ETV1: variants seen among roughly 807,000 people sequenced by gnomAD.
The protein encoded by ETV1 is ETS translocation variant 1.
Under a neutral mutation model 62.3 loss-of-function variants are expected in ETV1, and 27 were observed. The observed-to-expected ratio is 0.43, with a 90% CI of 0.32 to 0.60. The LOEUF (loss-of-function observed/expected upper bound fraction) is 0.60, where lower values mean the gene tolerates loss of function less well. Ranked by LOEUF, ETV1 falls within the 20% of genes least tolerant of loss-of-function variation. The probability of loss-of-function intolerance (pLI) is 0.06; values close to 1 mark genes in which losing one functional copy is unlikely to be tolerated. For synonymous variants in ETV1, 222 were observed against 199.6 expected, an observed-to-expected ratio of 1.11 and a Z score of -0.94; for missense variants, 605 against 605.8, an observed-to-expected ratio of 1.00 and a Z score of 0.01.
chr7:13,931,201 A>G (rs73274894), intron 9 of ETV1, among the ~76,000 whole-genome samples: 6,009 of 152,310 alleles, frequency 0.039, 383 homozygotes, highest in African/African-American at 0.13. Context: ...AAAAAAAAGT[A>G]CAGAATTAAG....
chr7:13,920,297 C>T (rs1486867583), intron 9 of ETV1, among the ~76,000 whole-genome samples: 2 of 152,150 alleles, frequency 1.3e-5, no homozygotes, highest in Non-Finnish European at 2.9e-5. Context: ...AGGAACACTG[C>T]AAGGCCATAA....
At chr7:13,897,483 T>C (rs1351030985) in intron 13 of ETV1, among the ~76,000 whole-genome samples, 1 of 152,176 alleles carries the variant, frequency 6.6e-6, no homozygotes, top group East Asian at 1.9e-4. Context: ...TGAATGTACC[T>C]AGGTTTGAAA....
At chr7:13,896,365 A>G (rs906370210) in intron 13 of ETV1, among the ~76,000 whole-genome samples, 1 of 152,194 alleles carries the variant, frequency 6.6e-6, no homozygotes, top group East Asian at 1.9e-4. Flanking sequence ...TGCTTGTCTT[A>G]ATATAGAGGT....
chr7:13,931,592 G>C lies in ETV1; in HGVS notation c.712C>G (p.His238Asp), dbSNP rs1405263724. The C allele has an allele frequency of 6.2e-7, 1 of 1,613,932 alleles. No homozygotes were observed. The highest frequency in any genetic ancestry group is 2.2e-5 in the East Asian group (1 of 44,888). Reference protein sequence around the residue: ...KQEYHDPVYEHNTMVGSAASQ... With the variant: ...KQEYHDPVYEDNTMVGSAASQ... ...GCCGCACTGCCAACCATGGTGTTGT[G>C]TTCATACACTGGGTCGTGGTACTCC... The change falls in exon 9 of 14, where the codon CAC becomes GAC. Residue 238 changes from histidine to aspartate, a missense_variant. Around this residue, in one of 3 missense-constraint regions of ETV1, gnomAD observed 426 missense variants for 377.8 expected, o/e 1.13. Coordinates refer to ENST00000430479, the MANE Select transcript of ETV1 (RefSeq NM_004956.5).
intron 9 of ETV1, among the ~76,000 whole-genome samples, chr7:13,917,854 C>T (rs1259560412): frequency 6.6e-6 from 1 of 151,832 alleles, no homozygotes; most frequent in African/African-American, 2.4e-5. Flanking sequence ...GTCCCAGCTA[C>T]TCGGGAGGCT....
chr7:13,938,255 G>C (rs533723228), intron 7 of ETV1, among the ~76,000 whole-genome samples: 28 of 152,114 alleles, frequency 1.8e-4, no homozygotes, highest in African/African-American at 5.1e-4. Context: ...TATGTTTCTA[G>C]AATCTTACAT....
intron 8 of ETV1, among the ~76,000 whole-genome samples, chr7:13,933,430 A>T (rs759164814): frequency 6.6e-6 from 1 of 152,320 alleles, no homozygotes; most frequent in Non-Finnish European, 1.5e-5. Context: ...TCCCAGATAA[A>T]GAAAAACAGG....
intron 9 of ETV1, among the ~76,000 whole-genome samples, chr7:13,913,076 T>C (rs1293681885): frequency 6.6e-6 from 1 of 152,248 alleles, no homozygotes; most frequent in Non-Finnish European, 1.5e-5. Flanking sequence ...CATTACATTT[T>C]AACTTTTGTT....
At chr7:13,939,909 C>T (rs1046853254) in intron 6 of ETV1, among the ~76,000 whole-genome samples, 3 of 152,164 alleles carry the variant, frequency 2.0e-5, no homozygotes, top group Admixed American at 2.0e-4. Flanking sequence ...AACAATTATT[C>T]TATATGAAAT....
chr7:13,895,771 A>G lies in ETV1; in HGVS notation c.*95T>C, dbSNP rs1381913389. The G allele has an allele frequency of 1.2e-6, 1 of 845,030 alleles. No homozygotes were observed. Among genetic ancestry groups the G allele is most frequent in the Non-Finnish European group, 1.9e-6 (1 of 532,796 alleles). The allele number at this position is 845,030 out of a possible 1,614,324, so 52.3% of individuals were successfully genotyped here. On this transcript the variant is annotated 3_prime_UTR_variant, in exon 14 of 14. Coordinates refer to ENST00000430479, the MANE Select transcript of ETV1 (RefSeq NM_004956.5). ...GTGTATTATTATTTAAAAATAAAAT[A>G]CAAACAACAGAAATAAAACAAAGAT...
intron 6 of ETV1, among the ~76,000 whole-genome samples, chr7:13,972,873 T>G (rs1781043679): frequency 6.6e-6 from 1 of 152,206 alleles, no homozygotes; most frequent in African/African-American, 2.4e-5. Context: ...CCTTCCAAAG[T>G]GCCAGGATTA....
rs779691417 is a variant in ETV1, at chr7:13,931,493, C to A, written c.802+9G>T. 1.9e-6 allele frequency: 3 copies of A among 1,613,882 alleles called. No homozygotes were observed. In the South Asian group the frequency reaches 3.3e-5, roughly 18 times the overall value. On this transcript the variant is annotated intron_variant, in intron 9 of 13. Transcript: ENST00000430479. ...CCTTGAATGTAATTTGCGCAGAGCGCAGGCCTACCTGAGTCATATGCAAAA... is the reference window on the plus strand; with the variant it reads ...CCTTGAATGTAATTTGCGCAGAGCGAAGGCCTACCTGAGTCATATGCAAAA...
chr7:13,976,868 C>T (rs868448561), intron 6 of ETV1, among the ~76,000 whole-genome samples: 1 of 152,044 alleles, frequency 6.6e-6, no homozygotes, highest in Non-Finnish European at 1.5e-5. Context: ...TGAGAGAAGC[C>T]AATGGCTGCT....
At position 13,931,726 on chromosome 7, in the gene ETV1, G is replaced by C. The variant is rs1312149572; in HGVS notation, c.578C>G (p.Pro193Arg). ...CGGCAAAGGAGGAAAGGAGTTACAGGGTTCAGAAAGCTGGCGGCGAAATCT... is the reference window on the plus strand; with the variant it reads ...CGGCAAAGGAGGAAAGGAGTTACAGCGTTCAGAAAGCTGGCGGCGAAATCT... Reference protein sequence around the residue: ...DHRFRRQLSEPCNSFPPLPTM... With the variant: ...DHRFRRQLSERCNSFPPLPTM... The change falls in exon 9 of 14, where the codon CCC becomes CGC. Residue 193 changes from proline (P) to arginine (R), a missense_variant. By Grantham distance (103) the Pro-to-Arg change is moderately radical. Transcript: ENST00000430479. The C allele has an allele frequency of 6.2e-7, 1 of 1,613,960 alleles. No individual in the cohort carries two copies. Among genetic ancestry groups the C allele is most frequent in the Non-Finnish European group, 8.5e-7 (1 of 1,179,844 alleles).
chr7:13,901,516 TATAG>T (rs1782425230), intron 12 of ETV1, among the ~76,000 whole-genome samples: 10 of 152,166 alleles, frequency 6.6e-5, no homozygotes, highest in Admixed American at 6.5e-4. Flanking sequence ...AGACAAAAAC[TATAG>T]ATAAAGAGCA....
intron 6 of ETV1, among the ~76,000 whole-genome samples, chr7:13,954,139 T>G (rs1177499960): frequency 6.6e-6 from 1 of 152,138 alleles, no homozygotes; most frequent in African/African-American, 2.4e-5. Flanking sequence ...TTTGTAAGTA[T>G]TACTCACTAA....
intron 5 of ETV1, 148 bp from the exon 6 acceptor site, chr7:13,977,628 T>C (rs529367819): frequency 1.8e-4 from 111 of 619,574 alleles, no homozygotes; most frequent in African/African-American, 1.3e-3. Context: ...TAAAATGGTA[T>C]TGACAACACT....
At chr7:13,955,905 AC>A (rs1233246931) in intron 6 of ETV1, among the ~76,000 whole-genome samples, 5 of 152,186 alleles carry the variant, frequency 3.3e-5, no homozygotes, top group African/African-American at 1.2e-4. Context: ...TCACAAATGA[AC>A]CAAGCCAAAT....
intron 5 of ETV1, among the ~76,000 whole-genome samples, chr7:13,980,721 T>C (rs1163736721): frequency 6.6e-6 from 1 of 152,116 alleles, no homozygotes; most frequent in Non-Finnish European, 1.5e-5. Context: ...ATGTCGGCTT[T>C]AAAAGGGCAG....
Sources: gnomAD v4.1 joint callset for allele counts (sites outside exome capture counted in the v4.1 genomes callset) on GRCh38, gnomAD v4.1.1 for gene constraint, gnomAD v4.1.1 regional missense constraint, MANE v1.5 for transcripts, NCBI Gene and HGNC (gene_info 2026-07-23, HGNC 2026-07-21) for gene names.